Variants in SLC4A4 observed in about 807,000 individuals in gnomAD.
SLC4A4 encodes the protein solute carrier family 4 member 4.
In SLC4A4, 27 loss-of-function variants were observed where a neutral mutation model predicts 111.5. The observed-to-expected ratio is 0.24, with a 90% confidence interval of 0.18 to 0.33. The LOEUF (loss-of-function observed/expected upper bound fraction) is 0.33. SLC4A4 is among the 10% of genes least tolerant of loss of function. The pLI is 1.00. For missense variants in SLC4A4, 909 were observed against 1,315.5 expected (o/e 0.69, Z 4.78); for synonymous variants, 443 against 463.4 (o/e 0.96, Z 0.57).
At chr4:71,531,182 C>T (rs1349233666) in intron 16 of SLC4A4, among the ~76,000 whole-genome samples, 1 of 152,112 alleles carries the variant, frequency 6.6e-6, no homozygotes, top group Non-Finnish European at 1.5e-5. Flanking sequence ...CTAGAGACTA[C>T]AGAACAATCT....
intron 1 of SLC4A4, among the ~76,000 whole-genome samples, chr4:71,082,441 G>C (rs1480710449): frequency 6.6e-6 from 1 of 151,932 alleles, no homozygotes; most frequent in Non-Finnish European, 1.5e-5. Flanking sequence ...TTGCCTGCCT[G>C]CTAGAACAGC....
At chr4:71,085,640 C>T (rs1339459715) in intron 1 of SLC4A4, among the ~76,000 whole-genome samples, 1 of 151,986 alleles carries the variant, frequency 6.6e-6, no homozygotes, top group Non-Finnish European at 1.5e-5. Flanking sequence ...CCAGTTTTTC[C>T]AGCACCATTT....
At chr4:71,540,087 T>A (rs1734906259) in intron 18 of SLC4A4, among the ~76,000 whole-genome samples, 1 of 152,160 alleles carries the variant, frequency 6.6e-6, no homozygotes, top group Non-Finnish European at 1.5e-5. Context: ...CTATTCAGAG[T>A]GCATTATAAT....
At position 71,397,593 on chromosome 4, in the gene SLC4A4, C is replaced by G. The variant is rs999198289; in HGVS notation, c.747C>G (p.Thr249=). Residue 249 remains threonine (T), a synonymous_variant, in exon 7 of 26, where the codon ACC becomes ACG. Transcript: ENST00000264485. The part of the protein sequence containing the change: ...TNPDNGSPAM[T]HRNLTSSSLN... ...TTTTTCCAGGTAGCCCAGCCATGACCCATAGGAATCTGACTTCCTCCAGTC... is the reference window on the plus strand; with the variant it reads ...TTTTTCCAGGTAGCCCAGCCATGACGCATAGGAATCTGACTTCCTCCAGTC... 1.9e-6 allele frequency: 3 copies of G among 1,613,866 alleles called. No homozygotes were observed. The highest frequency in any genetic ancestry group is 2.5e-6 in the Non-Finnish European group (3 of 1,179,852).
At chr4:71,269,456 A>G (rs961168046) in intron 3 of SLC4A4, among the ~76,000 whole-genome samples, 2 of 152,220 alleles carry the variant, frequency 1.3e-5, no homozygotes, top group African/African-American at 2.4e-5. Flanking sequence ...CAGCTTGGCC[A>G]TGGCTGCTCT....
intron 7 of SLC4A4, among the ~76,000 whole-genome samples, chr4:71,400,660 C>T (rs1278928834): frequency 6.6e-6 from 1 of 152,106 alleles, no homozygotes; most frequent in Non-Finnish European, 1.5e-5. Context: ...TTCATAATCT[C>T]TTCTACAACC....
At chr4:71,158,991 T>TA (rs1744549652) in intron 2 of SLC4A4, among the ~76,000 whole-genome samples, 1 of 152,222 alleles carries the variant, frequency 6.6e-6, no homozygotes, top group Non-Finnish European at 1.5e-5. Flanking sequence ...ACTTCATATC[T>TA]GTTTTATTAA....
chr4:71,534,087 A>G (rs1734180820), intron 17 of SLC4A4, 140 bp from the exon 18 acceptor site: 2 of 722,992 alleles, frequency 2.8e-6, no homozygotes, highest in Non-Finnish European at 4.8e-6. Context: ...AATAATCTTC[A>G]TTCTCTAGCT....
intron 2 of SLC4A4, among the ~76,000 whole-genome samples, chr4:71,133,786 T>C (rs1743772325): frequency 6.6e-6 from 1 of 152,222 alleles, no homozygotes; most frequent in South Asian, 2.1e-4. Flanking sequence ...GTCGCTGCCC[T>C]GATACCGAAC....
chr4:71,392,049 T>G (rs1719340166), intron 6 of SLC4A4, among the ~76,000 whole-genome samples: 1 of 152,100 alleles, frequency 6.6e-6, no homozygotes, highest in Admixed American at 6.6e-5. Context: ...TGTAAAATAT[T>G]CACAAGAACG....
intron 3 of SLC4A4, among the ~76,000 whole-genome samples, chr4:71,277,072 A>G (rs1211293110): frequency 6.6e-6 from 1 of 152,048 alleles, no homozygotes; most frequent in Non-Finnish European, 1.5e-5. Flanking sequence ...AAAACAAAAC[A>G]ACCCCAAAAC....
intron 1 of SLC4A4, among the ~76,000 whole-genome samples, chr4:71,210,840 C>G (rs1718094789): frequency 6.6e-6 from 1 of 152,170 alleles, no homozygotes; most frequent in South Asian, 2.1e-4. Flanking sequence ...CAGTCTCTAG[C>G]ATGGACTGAT....
chr4:71,496,808 A>G lies in SLC4A4; in HGVS notation c.1975-693A>G, dbSNP rs553742452. On this transcript the variant is annotated intron_variant, in intron 15 of 25. Coordinates refer to ENST00000264485, the MANE Select transcript of SLC4A4 (RefSeq NM_001098484.3). ...ATATGTTTGAGGCCATGTAACATGG[A>G]GATGGATATTCCATACACAACTACA... Among the ~76,000 whole-genome samples the G allele has an allele frequency of 7.9e-5, 12 of 152,256 alleles. No homozygotes were observed. In the South Asian group the frequency reaches 1.9e-3, roughly 24 times the overall value.
Position 71,450,433 on chromosome 4 carries a change from G to A in SLC4A4, c.1098G>A (p.Leu366=). ...ATAAAGCAAAAGACAGGCACGACCT[G>A]ATTGCTGGTATTGATGAGTTCCTAG... The part of the protein sequence containing the change: ...IAYKAKDRHD[L]IAGIDEFLDE... Residue 366 remains leucine (L), a synonymous_variant, in exon 10 of 26, where the codon CTG becomes CTA. Transcript: ENST00000264485. The A allele has an allele frequency of 6.2e-7, 1 of 1,612,426 alleles. No individual in the cohort carries two copies. Among genetic ancestry groups the A allele is most frequent in the Non-Finnish European group, 8.5e-7 (1 of 1,178,512 alleles).
intron 2 of SLC4A4, among the ~76,000 whole-genome samples, chr4:71,147,222 G>C (rs551370358): frequency 6.6e-6 from 1 of 152,102 alleles, no homozygotes; most frequent in Non-Finnish European, 1.5e-5. Flanking sequence ...TATGAATTTT[G>C]TTGTTTAACA....
chr4:71,143,251 A>C (rs1744062535), intron 2 of SLC4A4, among the ~76,000 whole-genome samples: 3 of 152,062 alleles, frequency 2.0e-5, no homozygotes, highest in Admixed American at 2.0e-4. Flanking sequence ...TTCCAGCTTC[A>C]TCCATGTCCC....
intron 1 of SLC4A4, among the ~76,000 whole-genome samples, chr4:71,223,022 G>T (rs533349364): frequency 1.3e-4 from 20 of 152,256 alleles, no homozygotes; most frequent in Admixed American, 1.2e-3. Context: ...TGGGGAATTT[G>T]CAAAATGGGC....
At chr4:71,367,083 G>A (rs1223630584) in intron 6 of SLC4A4, among the ~76,000 whole-genome samples, 1 of 152,208 alleles carries the variant, frequency 6.6e-6, no homozygotes, top group African/African-American at 2.4e-5. Context: ...TTGATGGTGA[G>A]GCTCTGCCTC....
chr4:71,121,401 C>A (rs889303716), intron 2 of SLC4A4, among the ~76,000 whole-genome samples: 2 of 152,242 alleles, frequency 1.3e-5, no homozygotes, highest in African/African-American at 4.8e-5. Flanking sequence ...GCGGCCCTGG[C>A]ACTGCATCCA....
Sources: gnomAD v4.1 joint callset for allele counts (sites outside exome capture counted in the v4.1 genomes callset) on GRCh38, gnomAD v4.1.1 for gene constraint, MANE v1.5 for transcripts, NCBI Gene and HGNC (gene_info 2026-07-23, HGNC 2026-07-21) for gene names.